The following DENND5B variants were observed in gnomAD, a reference collection of about 807,000 sequenced individuals.
DENND5B encodes the protein DENN domain-containing protein 5B.
DENND5B carries 34 observed loss-of-function variants against 140.6 expected under a neutral mutation model. The observed-to-expected ratio is 0.24, with a 90% CI of 0.18 to 0.32. The LOEUF (loss-of-function observed/expected upper bound fraction) is 0.32, where lower values mean the gene tolerates loss of function less well. Among genes scored for constraint, DENND5B ranks in the 10% least tolerant of loss-of-function variants. DENND5B has a pLI of 1.00. For missense variants in DENND5B, 1,142 were observed against 1,560.2 expected (o/e 0.73, Z 4.52); for synonymous variants, 551 against 562.1 (o/e 0.98, Z 0.28).
At chr12:31,449,730 A>ATTTTTTT (rs1565589504) in intron 5 of DENND5B, among the ~76,000 whole-genome samples, 10 of 24,404 alleles carry the variant, frequency 4.1e-4, no homozygotes, top group East Asian at 3.1e-3. Context: ...TACACAGATT[A>ATTTTTTT]GTTTTTTTTT....
In DENND5B at chr12:31,440,258, C is replaced by T. The variant is rs146347889; in HGVS notation, c.2012+2517G>A. Among the ~76,000 whole-genome samples the T allele has an allele frequency of 6.6e-3, 1,003 of 152,140 alleles. 6 individuals carry two copies. The highest frequency in any genetic ancestry group is 9.5e-3 in the Non-Finnish European group (643 of 68,010). On this transcript the variant is annotated intron_variant, in intron 7 of 20. Coordinates refer to ENST00000389082, the MANE Select transcript of DENND5B (RefSeq NM_144973.4). Reference sequence around the variant, plus strand: ...GTTATTCACAGACACAATCATTGCACGTCGTGGCTTCCAACTCCTGGCCTC... The same window carrying T: ...GTTATTCACAGACACAATCATTGCATGTCGTGGCTTCCAACTCCTGGCCTC...
At chr12:31,431,736 T>C (rs1266431380) in intron 8 of DENND5B, among the ~76,000 whole-genome samples, 2 of 152,168 alleles carry the variant, frequency 1.3e-5, no homozygotes, top group East Asian at 1.9e-4. Context: ...GTATATTTAA[T>C]ACATTTCCCC....
intron 1 of DENND5B, among the ~76,000 whole-genome samples, chr12:31,556,548 A>G (rs1949288353): frequency 6.6e-6 from 1 of 152,166 alleles, no homozygotes; most frequent in Non-Finnish European, 1.5e-5. Context: ...GACATCTGGG[A>G]ATTTCAGAGG....
chr12:31,450,239 CTT>C (rs1944452695), intron 5 of DENND5B, among the ~76,000 whole-genome samples: 1 of 152,150 alleles, frequency 6.6e-6, no homozygotes, highest in South Asian at 2.1e-4. Flanking sequence ...CTTCCTCAAA[CTT>C]TGTTACCATG....
chr12:31,426,124 C>A (rs1009027901), intron 9 of DENND5B, among the ~76,000 whole-genome samples, 169 bp downstream of exon 9: 2 of 152,120 alleles, frequency 1.3e-5, no homozygotes, highest in African/African-American at 2.4e-5. Flanking sequence ...GAATGAAGAA[C>A]CCATGGAGGT....
chr12:31,518,212 T>G (rs779371730), intron 1 of DENND5B, among the ~76,000 whole-genome samples: 2 of 152,164 alleles, frequency 1.3e-5, no homozygotes, highest in Non-Finnish European at 2.9e-5. Flanking sequence ...ACATAAAACT[T>G]GATTCAAATA....
Position 31,387,453 on chromosome 12 carries a change from A to C in DENND5B, c.*150T>G. ...AGGTTCAAATGAACTACAATACAAC[A>C]TTTTGCCTTGTCTGTAGAGTGAGGA... On this transcript the variant is annotated 3_prime_UTR_variant, in exon 21 of 21. Transcript: ENST00000389082. The C allele has an allele frequency of 1.4e-6, 1 of 712,744 alleles. No individual in the cohort carries two copies. Among genetic ancestry groups the C allele is most frequent in the East Asian group, 2.8e-5 (1 of 35,926 alleles). 44.2% of individuals were successfully genotyped at this position (712,744 alleles called of 1,614,324 possible). A position where few individuals can be genotyped will look rare whatever the true frequency, so the allele number is the denominator to read the frequency against.
intron 1 of DENND5B, among the ~76,000 whole-genome samples, chr12:31,556,913 A>T (rs1949305772): frequency 6.6e-6 from 1 of 152,244 alleles, no homozygotes; most frequent in African/African-American, 2.4e-5. Flanking sequence ...AATCATTAAA[A>T]ATGTGTGCAA....
chr12:31,569,255 G>C (rs953288773), intron 1 of DENND5B, among the ~76,000 whole-genome samples: 8 of 151,932 alleles, frequency 5.3e-5, no homozygotes, highest in African/African-American at 1.9e-4. Context: ...TTTTGGTAGA[G>C]ATGGAGTTTC....
At chr12:31,578,884 C>A (rs1211703731) in intron 1 of DENND5B, among the ~76,000 whole-genome samples, 1 of 152,176 alleles carries the variant, frequency 6.6e-6, no homozygotes, top group Non-Finnish European at 1.5e-5. Flanking sequence ...TCCTTCTCAT[C>A]TATCAAATGA....
intron 1 of DENND5B, among the ~76,000 whole-genome samples, chr12:31,555,311 G>C (rs1258599145): frequency 6.6e-6 from 1 of 152,202 alleles, no homozygotes; most frequent in Admixed American, 6.5e-5. Context: ...GAGTTTGCTG[G>C]AGGTCCACTC....
At chr12:31,389,619 C>A in intron 19 of DENND5B, 121 bp from the exon 20 acceptor site, 1 of 874,938 alleles carries the variant, frequency 1.1e-6, no homozygotes, top group Non-Finnish European at 1.7e-6. Flanking sequence ...GTCCTGAAGC[C>A]AATATCATTA....
intron 14 of DENND5B, 118 bp from the exon 15 acceptor site, chr12:31,402,761 A>T: frequency 8.3e-7 from 1 of 1,210,154 alleles, no homozygotes; most frequent in Non-Finnish European, 1.1e-6. Context: ...TGAGCTATCA[A>T]GATGTACTTA....
At chr12:31,578,375 G>C (rs1950097357) in intron 1 of DENND5B, among the ~76,000 whole-genome samples, 1 of 152,104 alleles carries the variant, frequency 6.6e-6, no homozygotes, top group Admixed American at 6.5e-5. Flanking sequence ...GTTTTCTAGA[G>C]GAAAGTAAAG....
intron 4 of DENND5B, among the ~76,000 whole-genome samples, chr12:31,457,630 C>T (rs1410576550): frequency 6.6e-6 from 1 of 152,096 alleles, no homozygotes; most frequent in African/African-American, 2.4e-5. Context: ...TAAAATGATA[C>T]CAGAACAAAG....
chr12:31,430,497 CAAAAAAAAAAAAAAAA>C (rs71062432), intron 8 of DENND5B, among the ~76,000 whole-genome samples: 2 of 56,070 alleles, frequency 3.6e-5, no homozygotes, highest in Admixed American at 2.7e-4. Context: ...ACTAAAAATA[CAAAAAAAAAAAAAAAA>C]AAAAAAAAAA....
intron 1 of DENND5B, among the ~76,000 whole-genome samples, chr12:31,547,957 C>T (rs1000877014): frequency 1.3e-5 from 2 of 152,168 alleles, no homozygotes; most frequent in East Asian, 3.8e-4. Flanking sequence ...CCACCAACCT[C>T]GGCTTCCCAA....
chr12:31,587,442 G>C (rs549382375), intron 1 of DENND5B, among the ~76,000 whole-genome samples: 1 of 147,574 alleles, frequency 6.8e-6, no homozygotes, highest in East Asian at 2.0e-4. Flanking sequence ...AGCAAATCTC[G>C]TTGGGCCTAC....
At chr12:31,585,757 C>CA in intron 1 of DENND5B, among the ~76,000 whole-genome samples, 1 of 152,294 alleles carries the variant, frequency 6.6e-6, no homozygotes, top group South Asian at 2.1e-4. Flanking sequence ...TGGTCTCCAC[C>CA]GTCTCTACGC....
Sources: allele counts gnomAD v4.1 joint callset (sites outside exome capture counted in the v4.1 genomes callset), GRCh38; gene constraint gnomAD v4.1.1; transcripts MANE v1.5; gene names NCBI Gene and HGNC (gene_info 2026-07-23, HGNC 2026-07-21).